Variants in S100A10 observed in about 807,000 individuals in gnomAD.
S100A10 encodes protein S100-A10.
In S100A10, 3 loss-of-function variants were observed where a neutral mutation model predicts 7.1. That is an observed-to-expected ratio of 0.42 (90% CI 0.19 to 1.10). The LOEUF is 1.10. S100A10 is among the 50% of genes least tolerant of loss of function. The probability of loss-of-function intolerance (pLI) is 0.29; values close to 1 mark genes in which losing one functional copy is unlikely to be tolerated. For synonymous variants in S100A10, 41 were observed against 39.3 expected (o/e 1.04, Z -0.16); for missense variants, 101 against 118.1 (o/e 0.86, Z 0.67).
intron 1 of S100A10, among the ~76,000 whole-genome samples, chr1:151,987,724 TA>T (rs1345303933): frequency 2.0e-5 from 3 of 151,960 alleles, no homozygotes; most frequent in Non-Finnish European, 4.4e-5. Flanking sequence ...GTATTTTTAG[TA>T]GAGATGGGGT....
chr1:151,991,998 A>T (rs1655915509), intron 1 of S100A10, among the ~76,000 whole-genome samples: 1 of 152,228 alleles, frequency 6.6e-6, no homozygotes, highest in Admixed American at 6.5e-5. Context: ...AAAAAATTGT[A>T]AGAACCTAGA....
At chr1:151,983,354 T>C (rs761591767) in intron 2 of S100A10, 30 bp from the exon 3 acceptor site, 2 of 1,471,624 alleles carry the variant, frequency 1.4e-6, no homozygotes, top group Non-Finnish European at 9.0e-7. Flanking sequence ...AGGCAAGAAA[T>C]AGAAGTCAAA....
intron 2 of S100A10, among the ~76,000 whole-genome samples, chr1:151,985,586 T>A (rs1655773802): frequency 6.6e-6 from 1 of 152,152 alleles, no homozygotes; most frequent in Non-Finnish European, 1.5e-5. Context: ...GAAAAAACAA[T>A]CCCTTTATCT....
intron 2 of S100A10, among the ~76,000 whole-genome samples, chr1:151,985,532 A>G (rs1477619212): frequency 1.3e-5 from 2 of 152,164 alleles, no homozygotes; most frequent in African/African-American, 4.8e-5. Flanking sequence ...TGTGGCTTTT[A>G]TTCAGTAGAT....
intron 1 of S100A10, 67 bp from the exon 2 acceptor site, chr1:151,986,318 A>AT (rs1655791059): frequency 3.1e-5 from 34 of 1,109,410 alleles, no homozygotes; most frequent in Non-Finnish European, 3.7e-5. Flanking sequence ...GCATGAATTT[A>AT]TTTTTTTTAA....
At position 151,993,560 on chromosome 1, in the gene S100A10, C is replaced by A. The variant is rs1277412711; in HGVS notation, c.-22+192G>T. Among the ~76,000 whole-genome samples the A allele has an allele frequency of 6.6e-6, 1 of 152,122 alleles. No individual in the cohort carries two copies. Among genetic ancestry groups the A allele is most frequent in the Non-Finnish European group, 1.5e-5 (1 of 68,006 alleles). ...GGTCTGGGGGCGGCCGCGCCCGGGC[C>A]GGGGAGGGGCGCTGCTGGCCTCGTT... On this transcript the variant is annotated intron_variant, in intron 1 of 2. Transcript: ENST00000368811. This position sits in a 1 kb window ranked among gnomAD's most constrained non-coding sequence, Gnocchi z 5.1.
At chr1:151,988,339 G>T in intron 1 of S100A10, among the ~76,000 whole-genome samples, 1 of 152,156 alleles carries the variant, frequency 6.6e-6, no homozygotes, top group East Asian at 1.9e-4. Flanking sequence ...ATAATCACAA[G>T]AATAGGCTTT....
intron 1 of S100A10, among the ~76,000 whole-genome samples, chr1:151,987,149 CGTCCGCCACCAT>C (rs1406844499): frequency 7.0e-6 from 1 of 143,418 alleles, no homozygotes; most frequent in Non-Finnish European, 1.5e-5. Flanking sequence ...GGATTACAGG[CGTCCGCCACCAT>C]GTCCGGCTAA....
At chr1:151,989,065 G>T (rs1245552987) in intron 1 of S100A10, among the ~76,000 whole-genome samples, 1 of 152,204 alleles carries the variant, frequency 6.6e-6, no homozygotes. Flanking sequence ...GCAGAATTAA[G>T]AAAGGGAATG....
intron 1 of S100A10, 71 bp from the exon 2 acceptor site, chr1:151,986,322 T>G: frequency 9.2e-7 from 1 of 1,090,198 alleles, no homozygotes; most frequent in Non-Finnish European, 1.3e-6. Flanking sequence ...GAATTTATTT[T>G]TTTTAAATTG....
chr1:151,984,730 G>T (rs1371803212), intron 2 of S100A10, among the ~76,000 whole-genome samples: 1 of 152,190 alleles, frequency 6.6e-6, no homozygotes, highest in Non-Finnish European at 1.5e-5. Context: ...GGCTTACAAT[G>T]AGCACATTTT....
intron 1 of S100A10, among the ~76,000 whole-genome samples, chr1:151,987,907 T>C (rs1280905243): frequency 6.6e-6 from 1 of 152,232 alleles, no homozygotes; most frequent in East Asian, 1.9e-4. Context: ...TAAAATACAG[T>C]TGCTCTACCC....
rs1655727505 is a variant in S100A10 at position 151,983,075 on chromosome 1, CCTT to C, written c.*85_*87del. 9.0e-6 allele frequency: 8 copies of C among 884,894 alleles called. 1 individual carries two copies. In the Middle Eastern group the frequency reaches 7.2e-4, roughly 80 times the overall value. 54.8% of individuals were successfully genotyped at this position (884,894 alleles called of 1,614,324 possible). On this transcript the variant is annotated 3_prime_UTR_variant, in exon 3 of 3. Transcript: ENST00000368811. ...AAGTGTCCTGATCTGCTCATGAAAT[CCTT>C]CTATGGGGGAAGCTGTGGGGCAGAT... is the stretch of plus-strand genomic sequence containing the variant.
At chr1:151,983,885 T>C (rs1053115721) in intron 2 of S100A10, among the ~76,000 whole-genome samples, 8 of 152,214 alleles carry the variant, frequency 5.3e-5, no homozygotes, top group African/African-American at 1.9e-4. Context: ...ATAATGTTTC[T>C]AGAATCCTTT....
In S100A10 at chr1:151,983,200, T is replaced by C. The variant is rs1204933924; in HGVS notation, c.257A>G (p.Tyr86Cys). The change falls in exon 3 of 3, where the codon TAT (tyrosine) becomes TGT (cysteine). Residue 86 changes from tyrosine to cysteine, a missense_variant. Coordinates refer to ENST00000368811, the MANE Select transcript of S100A10 (RefSeq NM_002966.3). ...CTTCTGCTTCATGTGTACTACAAAA[T>C]AGTCATTGCATGCAATGGTGAGGCC... ...IAGLTIACND[Y>C]FVVHMKQKGK... 1 of 1,599,742 alleles carries C rather than the reference T, an allele frequency of 6.3e-7. No homozygotes were observed. The highest frequency in any genetic ancestry group is 1.8e-5 in the Admixed American group (1 of 56,042).
intron 1 of S100A10, among the ~76,000 whole-genome samples, chr1:151,991,122 G>A (rs886723228): frequency 3.3e-5 from 5 of 152,154 alleles, no homozygotes; most frequent in African/African-American, 1.2e-4. Context: ...ATAAACGGCA[G>A]GGTGTCAGTA....
intron 2 of S100A10, 131 bp downstream of exon 2, chr1:151,985,968 A>T (rs1444078605): frequency 7.8e-6 from 5 of 637,542 alleles, no homozygotes; most frequent in Non-Finnish European, 1.3e-5. Flanking sequence ...TCATTCCTTC[A>T]GGTGACTACA....
intron 2 of S100A10, 49 bp from the exon 3 acceptor site, chr1:151,983,373 T>G (rs758305300): frequency 3.1e-6 from 4 of 1,303,168 alleles, no homozygotes; most frequent in East Asian, 2.4e-5. Flanking sequence ...AAGGTTGCAA[T>G]GAGGAGCTTA....
chr1:151,983,806 G>T (rs183186214), intron 2 of S100A10, among the ~76,000 whole-genome samples: 12 of 152,188 alleles, frequency 7.9e-5, no homozygotes, highest in African/African-American at 2.7e-4. Flanking sequence ...TATTAGCCAC[G>T]TGATGCTGAG....
Sources: gnomAD v4.1 joint callset for allele counts (sites outside exome capture counted in the v4.1 genomes callset) on GRCh38, gnomAD v4.1.1 for gene constraint, Gnocchi (gnomAD v3.1) non-coding constraint, MANE v1.5 for transcripts, NCBI Gene and HGNC (gene_info 2026-07-23, HGNC 2026-07-21) for gene names.